The following VWA8 variants were observed in gnomAD, a reference collection of about 807,000 sequenced individuals.
VWA8 encodes von Willebrand factor A domain containing 8.
Under a neutral mutation model 241.5 loss-of-function variants are expected in VWA8, and 221 were observed. The ratio of observed to expected loss-of-function variants is 0.91; its 90% confidence interval spans 0.82 to 1.02. The LOEUF is 1.02. Ranked by LOEUF, VWA8 falls within the 50% of genes least tolerant of loss-of-function variation. The pLI is 0.00. For synonymous variants in VWA8, 852 were observed against 827.1 expected (o/e 1.03, Z -0.52); for missense variants, 2,322 against 2,328.7 (o/e 1.00, Z 0.06).
rs372018922 is a variant in VWA8 at position 41,727,202 on chromosome 13, C to T, written c.2750G>A (p.Gly917Asp). Reference sequence around the variant, plus strand: ...ATCATTACTGTTTTTACCTAAGGTACCGAAGAAATCATTGCCTAGGAAAGG... The same window carrying T: ...ATCATTACTGTTTTTACCTAAGGTATCGAAGAAATCATTGCCTAGGAAAGG... ...GFPFLGNDFF[G>D]TLGDIFSCHA... The change falls in exon 24 of 45, where the codon GGT (glycine) becomes GAT (aspartate). Residue 917 changes from glycine (G) to aspartate (D), a missense_variant. Transcript: ENST00000379310. 2 of 1,544,392 alleles carry T rather than the reference C, an allele frequency of 1.3e-6. No homozygotes were observed. Among genetic ancestry groups the T allele is most frequent in the Non-Finnish European group, 1.7e-6 (2 of 1,144,720 alleles).
chr13:41,872,022 A>C (rs1467492606), intron 9 of VWA8, among the ~76,000 whole-genome samples: 1 of 152,110 alleles, frequency 6.6e-6, no homozygotes, highest in Non-Finnish European at 1.5e-5. Context: ...ATGGTATCTC[A>C]TTGTGGTTTT....
intron 37 of VWA8, among the ~76,000 whole-genome samples, chr13:41,624,252 G>A (rs1446337602): frequency 6.6e-6 from 1 of 152,190 alleles, no homozygotes; most frequent in African/African-American, 2.4e-5. Flanking sequence ...GTGTAAAGAA[G>A]AGCTGGAACT....
At chr13:41,642,573 A>AG (rs71298962) in intron 37 of VWA8, among the ~76,000 whole-genome samples, 1,864 of 151,446 alleles carry the variant, frequency 0.012, 23 homozygotes, top group African/African-American at 0.03. Flanking sequence ...AAAAAAAAAA[A>AG]AAAAAGAAAA....
intron 2 of VWA8, among the ~76,000 whole-genome samples, chr13:41,924,320 C>T (rs1003546324): frequency 4.0e-5 from 6 of 148,156 alleles, no homozygotes; most frequent in African/African-American, 1.5e-4. Flanking sequence ...CCAAAAATAT[C>T]TGAACTTGAA....
intron 22 of VWA8, 115 bp from the exon 23 acceptor site, chr13:41,729,792 C>A: frequency 3.0e-6 from 2 of 674,758 alleles, no homozygotes; most frequent in Non-Finnish European, 4.9e-6. Context: ...TACAAGTATA[C>A]ACGTAGACAC....
intron 8 of VWA8, among the ~76,000 whole-genome samples, chr13:41,884,338 CT>C (rs769414964): frequency 2.0e-5 from 3 of 151,268 alleles, no homozygotes; most frequent in Non-Finnish European, 2.9e-5. Flanking sequence ...GGCTTTTCCC[CT>C]CCTTCACTCT....
intron 2 of VWA8, chr13:41,927,471 T>C (rs949462782): frequency 3.7e-5 from 9 of 245,904 alleles, no homozygotes; most frequent in South Asian, 3.1e-4. Context: ...CATTCAGCCA[T>C]CAGAAGAGAG....
chr13:41,894,758 T>C (rs1289970844), intron 4 of VWA8, among the ~76,000 whole-genome samples: 2 of 152,180 alleles, frequency 1.3e-5, no homozygotes, highest in East Asian at 3.8e-4. Context: ...TCAAAGTCAA[T>C]GTGACCAGTA....
At chr13:41,880,409 T>C (rs1289303507) in intron 9 of VWA8, among the ~76,000 whole-genome samples, 3 of 152,150 alleles carry the variant, frequency 2.0e-5, no homozygotes, top group Non-Finnish European at 4.4e-5. Context: ...ACAAGAACTG[T>C]GGCCAGTATA....
At chr13:41,676,776 G>A (rs2045063124) in intron 35 of VWA8, among the ~76,000 whole-genome samples, 1 of 152,016 alleles carries the variant, frequency 6.6e-6, no homozygotes, top group Admixed American at 6.5e-5. Context: ...GGGATTATAG[G>A]CACCCGCCAC....
rs541525586 is a variant in VWA8, at chr13:41,747,852, T to G, written c.2426+13276A>C. ...AAGGCCTTTTCTGCATCTATTGAGATAATCATGTGATTTTTGTTTTTGGTT... is the reference window on the plus strand; with the variant it reads ...AAGGCCTTTTCTGCATCTATTGAGAGAATCATGTGATTTTTGTTTTTGGTT... On this transcript the variant is annotated intron_variant, in intron 21 of 44. Coordinates refer to ENST00000379310, the MANE Select transcript of VWA8 (RefSeq NM_015058.2). Among the ~76,000 whole-genome samples the G allele has an allele frequency of 5.9e-5, 9 of 152,332 alleles. No individual in the cohort carries two copies. In the South Asian group the frequency reaches 1.9e-3, roughly 32 times the overall value.
At chr13:41,872,189 G>A (rs1275590589) in intron 9 of VWA8, among the ~76,000 whole-genome samples, 1 of 152,134 alleles carries the variant, frequency 6.6e-6, no homozygotes, top group Non-Finnish European at 1.5e-5. Flanking sequence ...TGAGTTCTTT[G>A]TAGATTCTGG....
chr13:41,936,646 T>G (rs1308981535), intron 2 of VWA8, among the ~76,000 whole-genome samples: 1 of 152,118 alleles, frequency 6.6e-6, no homozygotes, highest in Non-Finnish European at 1.5e-5. Context: ...GGATACAAAA[T>G]TTCAGCTAGG....
At chr13:41,842,601 G>A (rs1872109301) in intron 12 of VWA8, among the ~76,000 whole-genome samples, 1 of 152,172 alleles carries the variant, frequency 6.6e-6, no homozygotes, top group Non-Finnish European at 1.5e-5. Context: ...AAGATAACCA[G>A]AAGTCAAACC....
intron 39 of VWA8, among the ~76,000 whole-genome samples, chr13:41,608,158 T>C (rs2044564603): frequency 6.6e-6 from 1 of 152,176 alleles, no homozygotes; most frequent in African/African-American, 2.4e-5. Flanking sequence ...GCTTCAGTTA[T>C]AGGCCTACCA....
At chr13:41,736,780 A>G (rs544982302) in intron 21 of VWA8, among the ~76,000 whole-genome samples, 42 of 152,204 alleles carry the variant, frequency 2.8e-4, no homozygotes, top group African/African-American at 1.0e-3. Flanking sequence ...AACATGAGAA[A>G]GGAAAGACAG....
At chr13:41,724,498 G>A (rs554671907) in intron 24 of VWA8, among the ~76,000 whole-genome samples, 73 of 152,228 alleles carry the variant, frequency 4.8e-4, no homozygotes, top group Non-Finnish European at 7.1e-4. Flanking sequence ...TTCAAAAGGC[G>A]GGATCTGGTG....
intron 37 of VWA8, among the ~76,000 whole-genome samples, chr13:41,640,383 C>G (rs2044787790): frequency 6.6e-6 from 1 of 152,172 alleles, no homozygotes; most frequent in African/African-American, 2.4e-5. Context: ...AATTCTCCTG[C>G]TGGTAGACTT....
At chr13:41,602,139 G>A (rs975648678) in intron 40 of VWA8, among the ~76,000 whole-genome samples, 1 of 152,034 alleles carries the variant, frequency 6.6e-6, no homozygotes, top group Admixed American at 6.6e-5. Flanking sequence ...TTTTAAACTA[G>A]CCCTATCTTC....
Sources: allele counts gnomAD v4.1 joint callset (sites outside exome capture counted in the v4.1 genomes callset), GRCh38; gene constraint gnomAD v4.1.1; transcripts MANE v1.5; gene names NCBI Gene and HGNC (gene_info 2026-07-23, HGNC 2026-07-21).